Variants in SOS2 observed in about 807,000 individuals in gnomAD.
SOS2 encodes son of sevenless homolog 2.
In SOS2, 65 loss-of-function variants were observed where a neutral mutation model predicts 148.2. The observed-to-expected ratio is 0.44, with a 90% confidence interval of 0.36 to 0.54. The LOEUF is 0.54. Ranked by LOEUF, SOS2 falls within the 20% of genes least tolerant of loss-of-function variation. The probability of loss-of-function intolerance (pLI) is 0.00; values close to 1 mark genes in which losing one functional copy is unlikely to be tolerated. For missense variants in SOS2, 1,341 were observed against 1,590.2 expected, an observed-to-expected ratio of 0.84 and a Z score of 2.67; for synonymous variants, 539 against 537.1, an observed-to-expected ratio of 1.00 and a Z score of -0.05.
In SOS2 at chr14:50,182,608, T is replaced by C. The variant is rs747826229; in HGVS notation, c.715-2A>G. ...GTTACTAAAAATCTTTTCGATATCC[T>C]GAAAAAAGAGAAGGAAGGTTAAGAA... On this transcript the variant is annotated splice_acceptor_variant, in intron 5 of 22. Transcript: ENST00000216373. LOFTEE classifies it high-confidence loss of function. 6.3e-7 allele frequency: 1 copy of C among 1,592,606 alleles called. No homozygotes were observed. Among genetic ancestry groups the C allele is most frequent in the South Asian group, 1.1e-5 (1 of 89,146 alleles).
chr14:50,213,124 A>G (rs1886933234), intron 1 of SOS2, among the ~76,000 whole-genome samples: 1 of 152,230 alleles, frequency 6.6e-6, no homozygotes, highest in African/African-American at 2.4e-5. Flanking sequence ...AATGCCCAGG[A>G]TAAAATGAAA....
At chr14:50,209,005 G>A (rs1404024331) in intron 1 of SOS2, among the ~76,000 whole-genome samples, 1 of 152,126 alleles carries the variant, frequency 6.6e-6, no homozygotes, top group Non-Finnish European at 1.5e-5. Context: ...CCCCAGTGTG[G>A]CCTTATCCAC....
In SOS2 at chr14:50,188,916, T is replaced by C. The variant is rs561204666; in HGVS notation, c.511-216A>G. Among the ~76,000 whole-genome samples, 4 of 151,876 alleles carry C rather than the reference T, an allele frequency of 2.6e-5. No homozygotes were observed. The East Asian group carries it at 7.7e-4, about 29-fold the overall frequency. On this transcript the variant is annotated intron_variant, in intron 4 of 22. Coordinates refer to ENST00000216373, the MANE Select transcript of SOS2 (RefSeq NM_006939.4). ...TGTCTCGACCAAAAATACAAAAAAT[T>C]AGCCAGGCGTCATGGTAGGCGCTTG... is the stretch of plus-strand genomic sequence containing the variant.
At chr14:50,199,592 T>G (rs916567780) in intron 4 of SOS2, 99 bp downstream of exon 4, 1 of 646,486 alleles carries the variant, frequency 1.5e-6, no homozygotes, top group African/African-American at 1.9e-5. Flanking sequence ...GTACTAGCAA[T>G]TATAAAGATT....
chr14:50,151,629 A>C (rs1884666637), intron 13 of SOS2, among the ~76,000 whole-genome samples: 1 of 152,240 alleles, frequency 6.6e-6, no homozygotes, highest in Non-Finnish European at 1.5e-5. Context: ...TTGGACATTA[A>C]CATAACCATT....
At position 50,169,159 on chromosome 14, in the gene SOS2, A is replaced by T. The variant is rs557870973; in HGVS notation, c.1068+5295T>A. ...AAACCCCGTCTCTACTAAAAATATTAAAAAAAATTAGCCAGGCATGGTAGC... is the reference window on the plus strand; with the variant it reads ...AAACCCCGTCTCTACTAAAAATATTTAAAAAAATTAGCCAGGCATGGTAGC... On this transcript the variant is annotated intron_variant, in intron 8 of 22. Coordinates refer to ENST00000216373, the MANE Select transcript of SOS2 (RefSeq NM_006939.4). Among the ~76,000 whole-genome samples, 46 of 150,464 alleles carry T rather than the reference A, an allele frequency of 3.1e-4. No homozygotes were observed. The Middle Eastern group carries it at 0.01, about 34-fold the overall frequency.
At chr14:50,130,034 G>A in intron 20 of SOS2, 32 bp from the exon 21 acceptor site, 4 of 1,431,078 alleles carry the variant, frequency 2.8e-6, no homozygotes, top group Non-Finnish European at 3.9e-6. Flanking sequence ...ATTTGAAAAG[G>A]AAGGTAACAT....
At chr14:50,135,642 CTT>C (rs56043962) in intron 18 of SOS2, among the ~76,000 whole-genome samples, 19 of 82,576 alleles carry the variant, frequency 2.3e-4, no homozygotes, top group East Asian at 1.5e-3. Flanking sequence ...ATGTGGTTTG[CTT>C]TTTTTTTTTT....
chr14:50,221,265 G>A (rs1446654116), intron 1 of SOS2, among the ~76,000 whole-genome samples: 5 of 152,030 alleles, frequency 3.3e-5, no homozygotes, highest in Admixed American at 6.6e-5. Flanking sequence ...CCTGTGAACT[G>A]GGAAAAGATC....
intron 13 of SOS2, among the ~76,000 whole-genome samples, chr14:50,151,195 C>G (rs1214868883): frequency 6.6e-6 from 1 of 152,146 alleles, no homozygotes; most frequent in East Asian, 1.9e-4. Flanking sequence ...GGGATCTGAA[C>G]AAGATTGCAC....
At chr14:50,153,606 T>C (rs1298624324) in intron 12 of SOS2, among the ~76,000 whole-genome samples, 1 of 152,108 alleles carries the variant, frequency 6.6e-6, no homozygotes. Flanking sequence ...GCAAGTGCTA[T>C]CATCAAATTT....
At chr14:50,182,742 T>TTGCTGC (rs1042344405) in intron 5 of SOS2, 136 bp from the exon 6 acceptor site, 2 of 649,718 alleles carry the variant, frequency 3.1e-6, no homozygotes, top group African/African-American at 3.7e-5. Context: ...AACAGTACTT[T>TTGCTGC]TGCTGCTGCT....
intron 21 of SOS2, among the ~76,000 whole-genome samples, chr14:50,128,649 T>C (rs1231505834): frequency 2.0e-5 from 3 of 152,180 alleles, no homozygotes; most frequent in Non-Finnish European, 4.4e-5. Context: ...CATTTAGAAA[T>C]GTGGAAGTGT....
chr14:50,215,080 C>T (rs554635499), intron 1 of SOS2, among the ~76,000 whole-genome samples: 84 of 151,944 alleles, frequency 5.5e-4, no homozygotes, highest in South Asian at 1.0e-3. Flanking sequence ...TCGTGATCTG[C>T]CCGCCTCGTC....
chr14:50,122,917 A>G (rs1431648184), intron 21 of SOS2, among the ~76,000 whole-genome samples: 1 of 152,228 alleles, frequency 6.6e-6, no homozygotes, highest in Non-Finnish European at 1.5e-5. Context: ...GGCACCTGCT[A>G]ATACTGTCAG....
intron 1 of SOS2, among the ~76,000 whole-genome samples, chr14:50,227,111 A>G (rs1430840588): frequency 6.6e-6 from 1 of 152,198 alleles, no homozygotes. Context: ...CTCTGTTTTT[A>G]AATGATCTAG....
intron 12 of SOS2, 61 bp downstream of exon 12, chr14:50,156,938 T>TAC (rs1491053343): frequency 5.9e-6 from 4 of 672,950 alleles, no homozygotes; most frequent in Middle Eastern, 2.7e-4. Context: ...ACACATAAAA[T>TAC]GTGTGTGTGT....
chr14:50,180,778 G>A, intron 6 of SOS2, 96 bp from the exon 7 acceptor site: 1 of 653,554 alleles, frequency 1.5e-6, no homozygotes, highest in Non-Finnish European at 2.6e-6. Flanking sequence ...AGGAGTTCGA[G>A]GTTACAGTGA....
intron 10 of SOS2, 31 bp downstream of exon 10, chr14:50,159,400 T>C (rs752600573): frequency 1.6e-5 from 23 of 1,478,296 alleles, no homozygotes; most frequent in Non-Finnish European, 2.0e-5. Context: ...TCCCAGGCCC[T>C]AGGTCAGCAG....
Sources: gnomAD v4.1 joint callset for allele counts (sites outside exome capture counted in the v4.1 genomes callset) on GRCh38, gnomAD v4.1.1 for gene constraint, MANE v1.5 for transcripts, NCBI Gene and HGNC (gene_info 2026-07-23, HGNC 2026-07-21) for gene names.